GET1: variants seen among roughly 807,000 people sequenced by gnomAD.
GET1 encodes congenital heart disease 5 protein.
GET1 carries 20 observed loss-of-function variants against 22.6 expected under a neutral mutation model. The observed-to-expected ratio is 0.89, with a 90% CI of 0.62 to 1.29. The LOEUF is 1.29. Among genes scored for constraint, GET1 ranks in the 50% most tolerant of loss-of-function variants. The pLI, the probability that GET1 is intolerant of heterozygous loss-of-function variation, is 0.00. For missense variants in GET1, 209 were observed against 219.9 expected, an observed-to-expected ratio of 0.95 and a Z score of 0.31; for synonymous variants, 92 against 83.8, an observed-to-expected ratio of 1.10 and a Z score of -0.53.
intron 1 of GET1, among the ~76,000 whole-genome samples, chr21:39,418,940 T>A (rs2041790015): frequency 6.6e-6 from 1 of 152,214 alleles, no homozygotes; most frequent in South Asian, 2.1e-4. Flanking sequence ...AAGTCTCTTC[T>A]GTTAGATTTC....
At chr21:39,388,980 C>G (rs1037105385) in intron 1 of GET1, among the ~76,000 whole-genome samples, 7 of 152,192 alleles carry the variant, frequency 4.6e-5, no homozygotes, top group African/African-American at 1.7e-4. Flanking sequence ...ATTTCTCTGC[C>G]TATCTGTGGA....
At position 39,420,855 on chromosome 21, in the gene GET1, A is replaced by G. The variant is rs760947394; in HGVS notation, c.*24-7377A>G. ...TGTTTTTCCAAGCTCTGAAAACAGT[A>G]TATATTATAACTATTCTGCAACCAA... On this transcript the variant is annotated intron_variant, in intron 1 of 1. Coordinates refer to the GET1 transcript ENST00000478273. 1.2e-5 allele frequency: 20 copies of G among 1,601,880 alleles called. No individual in the cohort carries two copies. The South Asian group carries it at 2.2e-4, about 18-fold the overall frequency.
At chr21:39,424,612 G>C (rs2074326016) in intron 1 of GET1, among the ~76,000 whole-genome samples, 1 of 152,174 alleles carries the variant, frequency 6.6e-6, no homozygotes, top group African/African-American at 2.4e-5. Flanking sequence ...TGGGTAATTA[G>C]AGTATAACAT....
chr21:39,419,539 A>G (rs895543364), intron 1 of GET1, among the ~76,000 whole-genome samples: 2 of 151,570 alleles, frequency 1.3e-5, no homozygotes, highest in African/African-American at 4.9e-5. Context: ...AAAAAAAGAA[A>G]AAAGAAAAAA....
intron 1 of GET1, among the ~76,000 whole-genome samples, chr21:39,390,373 G>A (rs531555673): frequency 6.6e-6 from 1 of 152,334 alleles, no homozygotes; most frequent in East Asian, 1.9e-4. Flanking sequence ...GCCAGTGAGA[G>A]AAAGGGACAT....
chr21:39,396,263 G>A (rs1384305812), intron 4 of GET1, among the ~76,000 whole-genome samples: 3 of 152,118 alleles, frequency 2.0e-5, no homozygotes, highest in East Asian at 3.9e-4. Context: ...GGTGTCGGCC[G>A]GGTGCGGTGG....
chr21:39,390,773 C>A lies in GET1; in HGVS notation c.178C>A (p.Leu60Ile). The A allele has an allele frequency of 6.2e-7, 1 of 1,614,144 alleles. No individual in the cohort carries two copies. The highest frequency in any genetic ancestry group is 8.5e-7 in the Non-Finnish European group (1 of 1,180,028). Residue 60 changes from leucine (L) to isoleucine (I), a missense_variant, in exon 2 of 5, where the codon CTC becomes ATC. By Grantham distance (5) the Leu-to-Ile change is conservative (BLOSUM62 2). Transcript: ENST00000649170. ...GGAGATCCAGGACATGAAGCAGGAG[C>A]TCTCCACAGTCAACATGATGGACGA... is the stretch of plus-strand genomic sequence containing the variant. ...RAEIQDMKQE[L>I]STVNMMDEFA...
At chr21:39,419,386 A>G (rs1038135644) in intron 1 of GET1, among the ~76,000 whole-genome samples, 1 of 152,016 alleles carries the variant, frequency 6.6e-6, no homozygotes, top group Admixed American at 6.6e-5. Flanking sequence ...TTAGCTGGGT[A>G]TGGTGGCATG....
At chr21:39,426,705 GT>G (rs751662282) in intron 1 of GET1, among the ~76,000 whole-genome samples, 29 of 152,230 alleles carry the variant, frequency 1.9e-4, no homozygotes, top group Non-Finnish European at 3.8e-4. Flanking sequence ...TATGAAAGAT[GT>G]TGGGTTTTTG....
downstream of GET1, chr21:39,410,230 A>T: frequency 7.4e-7 from 1 of 1,351,180 alleles, no homozygotes; most frequent in Non-Finnish European, 1.1e-6. Flanking sequence ...AGACATGTTT[A>T]ATCAGACACT....
At chr21:39,390,118 G>T (rs939016336) in intron 1 of GET1, among the ~76,000 whole-genome samples, 1 of 151,170 alleles carries the variant, frequency 6.6e-6, no homozygotes, top group African/African-American at 2.4e-5. Flanking sequence ...TAGGTAGAGG[G>T]CAGCTTGCCC....
intron 4 of GET1, among the ~76,000 whole-genome samples, chr21:39,394,905 G>A (rs1182878933): frequency 1.3e-5 from 2 of 151,708 alleles, no homozygotes; most frequent in Non-Finnish European, 2.9e-5. Context: ...GCAGGGTCTT[G>A]CTCTGTTGCC....
At chr21:39,387,602 T>C (rs2037989725) in intron 1 of GET1, among the ~76,000 whole-genome samples, 1 of 151,582 alleles carries the variant, frequency 6.6e-6, no homozygotes, top group African/African-American at 2.4e-5. Flanking sequence ...AACCCCCTAC[T>C]CCCTGCGCAA....
chr21:39,393,440 G>A (rs1266518147), intron 4 of GET1, among the ~76,000 whole-genome samples, 160 bp downstream of exon 4: 1 of 152,132 alleles, frequency 6.6e-6, no homozygotes, highest in Non-Finnish European at 1.5e-5. Context: ...AGAAACTGAG[G>A]TCTGAAAAAG....
chr21:39,427,335 G>A (rs2074900126), intron 1 of GET1, among the ~76,000 whole-genome samples: 1 of 152,168 alleles, frequency 6.6e-6, no homozygotes, highest in Non-Finnish European at 1.5e-5. Context: ...ATTCCAATTT[G>A]GACAGCTGGG....
intron 1 of GET1, among the ~76,000 whole-genome samples, chr21:39,413,399 C>T (rs533131264): frequency 6.6e-6 from 1 of 152,302 alleles, no homozygotes; most frequent in Non-Finnish European, 1.5e-5. Context: ...TTCTTCTTGT[C>T]CAACTGCCAT....
At chr21:39,418,290 C>G (rs1392052929) in intron 1 of GET1, among the ~76,000 whole-genome samples, 1 of 152,102 alleles carries the variant, frequency 6.6e-6, no homozygotes. Context: ...TCTTCACTTA[C>G]CAGTGTATCC....
chr21:39,417,849 T>C (rs1294590851), intron 1 of GET1, among the ~76,000 whole-genome samples: 1 of 152,174 alleles, frequency 6.6e-6, no homozygotes. Context: ...CACTGCAAGC[T>C]CCGCCTCCCG....
At chr21:39,395,303 T>G (rs1346074635) in intron 4 of GET1, among the ~76,000 whole-genome samples, 1 of 152,152 alleles carries the variant, frequency 6.6e-6, no homozygotes, top group Non-Finnish European at 1.5e-5. Flanking sequence ...GCACACATAC[T>G]TGCTGGTCTT....
Sources: allele counts gnomAD v4.1 joint callset (sites outside exome capture counted in the v4.1 genomes callset), GRCh38; gene constraint gnomAD v4.1.1; transcripts MANE v1.5; gene names NCBI Gene and HGNC (gene_info 2026-07-23, HGNC 2026-07-21).